The following GRM8 variants were observed in gnomAD, a reference collection of about 807,000 sequenced individuals.
GRM8 encodes the protein glutamate metabotropic receptor 8.
GRM8 carries 47 observed loss-of-function variants against 87.2 expected under a neutral mutation model. The observed-to-expected ratio is 0.54, with a 90% confidence interval of 0.43 to 0.69. The LOEUF (loss-of-function observed/expected upper bound fraction) is 0.69, where lower values mean the gene tolerates loss of function less well. Among genes scored for constraint, GRM8 ranks in the 30% least tolerant of loss-of-function variants. The pLI is 0.00. For synonymous variants in GRM8, 396 were observed against 404.5 expected (o/e 0.98, Z 0.25); for missense variants, 1,019 against 1,139.2 (o/e 0.89, Z 1.52).
chr7:127,178,723 T>G (rs912861180), intron 2 of GRM8, among the ~76,000 whole-genome samples: 4 of 152,226 alleles, frequency 2.6e-5, no homozygotes, highest in African/African-American at 9.6e-5. Flanking sequence ...CCAAGAATTT[T>G]GTATCCAGCA....
intron 9 of GRM8, among the ~76,000 whole-genome samples, chr7:126,474,213 T>TAC (rs1420671341): frequency 6.6e-6 from 1 of 152,026 alleles, no homozygotes; most frequent in East Asian, 1.9e-4. Flanking sequence ...GTATTTGAAA[T>TAC]ACACACACAC....
At chr7:126,646,817 A>G (rs953808561) in intron 7 of GRM8, among the ~76,000 whole-genome samples, 1 of 152,190 alleles carries the variant, frequency 6.6e-6, no homozygotes, top group Non-Finnish European at 1.5e-5. Flanking sequence ...TACAGTTGTC[A>G]GTTTTTATAG....
intron 3 of GRM8, among the ~76,000 whole-genome samples, chr7:126,987,177 C>A (rs913054793): frequency 6.6e-6 from 1 of 152,046 alleles, no homozygotes; most frequent in Non-Finnish European, 1.5e-5. Flanking sequence ...AGCTTTTAGT[C>A]GTGTAAAAAA....
intron 3 of GRM8, among the ~76,000 whole-genome samples, chr7:126,965,036 T>C (rs1250750537): frequency 6.6e-6 from 1 of 152,192 alleles, no homozygotes; most frequent in Non-Finnish European, 1.5e-5. Flanking sequence ...GAAACCATCA[T>C]TCTCAGCAAA....
intron 3 of GRM8, among the ~76,000 whole-genome samples, chr7:127,025,529 T>C (rs950881700): frequency 3.9e-5 from 6 of 152,136 alleles, no homozygotes; most frequent in Non-Finnish European, 7.4e-5. Context: ...AGTCCCACAG[T>C]CCATTTGTTC....
chr7:127,202,480 T>A (rs780607492), intron 2 of GRM8, among the ~76,000 whole-genome samples: 1 of 152,164 alleles, frequency 6.6e-6, no homozygotes, highest in Non-Finnish European at 1.5e-5. Flanking sequence ...ACCCAGACTC[T>A]TTTCAGATTC....
At chr7:127,061,284 G>T (rs1820572267) in intron 3 of GRM8, among the ~76,000 whole-genome samples, 1 of 152,146 alleles carries the variant, frequency 6.6e-6, no homozygotes, top group Non-Finnish European at 1.5e-5. Flanking sequence ...AATTGTGCTA[G>T]GTGATTTACA....
At chr7:126,862,498 A>G (rs1028407685) in intron 6 of GRM8, among the ~76,000 whole-genome samples, 1 of 151,982 alleles carries the variant, frequency 6.6e-6, no homozygotes, top group African/African-American at 2.4e-5. Context: ...ATACTCATGC[A>G]ACCATTTTGT....
intron 9 of GRM8, among the ~76,000 whole-genome samples, chr7:126,467,155 C>T (rs1388637217): frequency 1.3e-5 from 2 of 151,520 alleles, no homozygotes; most frequent in Non-Finnish European, 2.9e-5. Flanking sequence ...GCCCCCCACC[C>T]CCCGACAGGC....
At chr7:126,894,077 GTA>G (rs993566330) in intron 6 of GRM8, among the ~76,000 whole-genome samples, 3 of 152,000 alleles carry the variant, frequency 2.0e-5, no homozygotes, top group Admixed American at 6.6e-5. Flanking sequence ...TATCTGCTTT[GTA>G]TCACTTTTAG....
At chr7:126,771,950 T>C (rs1300883806) in intron 6 of GRM8, among the ~76,000 whole-genome samples, 1 of 152,098 alleles carries the variant, frequency 6.6e-6, no homozygotes, top group Admixed American at 6.6e-5. Flanking sequence ...TATCCCTAGG[T>C]TATACTTTTG....
intron 7 of GRM8, among the ~76,000 whole-genome samples, chr7:126,721,427 T>A (rs927077718): frequency 2.6e-5 from 4 of 152,174 alleles, no homozygotes; most frequent in African/African-American, 9.6e-5. Context: ...AATACATGCA[T>A]CTAAAGAAAT....
intron 6 of GRM8, among the ~76,000 whole-genome samples, chr7:126,773,708 A>G (rs993973025): frequency 3.2e-4 from 49 of 152,260 alleles, no homozygotes; most frequent in Non-Finnish European, 6.0e-4. Flanking sequence ...TTCTTAAAAA[A>G]TAAACAGCCT....
chr7:126,523,199 C>T (rs990609977), intron 9 of GRM8, among the ~76,000 whole-genome samples: 1 of 152,054 alleles, frequency 6.6e-6, no homozygotes, highest in Non-Finnish European at 1.5e-5. Context: ...TATCAAAAGC[C>T]CCTAATATGA....
At chr7:126,602,800 A>C (rs1366717851) in intron 8 of GRM8, among the ~76,000 whole-genome samples, 7 of 150,122 alleles carry the variant, frequency 4.7e-5, no homozygotes, top group Non-Finnish European at 1.0e-4. Context: ...GAATTCTACC[A>C]GAGGTACAAG....
At chr7:126,751,041 T>A (rs1394481729) in intron 7 of GRM8, among the ~76,000 whole-genome samples, 1 of 151,400 alleles carries the variant, frequency 6.6e-6, no homozygotes, top group Non-Finnish European at 1.5e-5. Context: ...TATCCCTACT[T>A]TATATTATTT....
At position 127,013,096 on chromosome 7, in the gene GRM8, C is replaced by T. The variant is rs544648209; in HGVS notation, c.727+93400G>A. Reference sequence around the variant, plus strand: ...ATAATGATCCTTGTGGTTGAAACCACTTTTAATCAGGAATGCTTTTACCTG... The same window carrying T: ...ATAATGATCCTTGTGGTTGAAACCATTTTTAATCAGGAATGCTTTTACCTG... On this transcript the variant is annotated intron_variant, in intron 3 of 10. Transcript: ENST00000339582. Among the ~76,000 whole-genome samples the T allele has an allele frequency of 2.6e-5, 4 of 152,254 alleles. No individual in the cohort carries two copies. The South Asian group carries it at 8.3e-4, about 32-fold the overall frequency.
intron 6 of GRM8, among the ~76,000 whole-genome samples, chr7:126,773,589 C>A (rs1262689112): frequency 6.6e-6 from 1 of 151,960 alleles, no homozygotes; most frequent in East Asian, 1.9e-4. Flanking sequence ...ATTTTAATGC[C>A]AGTGCAAACT....
At chr7:126,679,335 A>G (rs1220552990) in intron 7 of GRM8, among the ~76,000 whole-genome samples, 1 of 152,244 alleles carries the variant, frequency 6.6e-6, no homozygotes, top group East Asian at 1.9e-4. Context: ...TGGACAAACA[A>G]TTCATAATTA....
Sources: gnomAD v4.1 joint callset for allele counts (sites outside exome capture counted in the v4.1 genomes callset) on GRCh38, gnomAD v4.1.1 for gene constraint, MANE v1.5 for transcripts, NCBI Gene and HGNC (gene_info 2026-07-23, HGNC 2026-07-21) for gene names.